The following RBFOX3 variants were observed in gnomAD, a reference collection of about 807,000 sequenced individuals.
RBFOX3 encodes RNA binding protein fox-1 homolog 3.
Under a neutral mutation model 48.7 loss-of-function variants are expected in RBFOX3, and 17 were observed. The ratio of observed to expected loss-of-function variants is 0.35; its 90% CI spans 0.24 to 0.52. The LOEUF is 0.52. Among genes scored for constraint, RBFOX3 ranks in the 20% least tolerant of loss-of-function variants. The probability of loss-of-function intolerance (pLI) is 0.94; values close to 1 mark genes in which losing one functional copy is unlikely to be tolerated. For synonymous variants in RBFOX3, 212 were observed against 209.5 expected (o/e 1.01, Z -0.10); for missense variants, 382 against 497.5 (o/e 0.77, Z 2.21).
intron 4 of RBFOX3, among the ~76,000 whole-genome samples, chr17:79,118,942 G>T (rs2034896463): frequency 6.7e-6 from 1 of 148,494 alleles, no homozygotes; most frequent in Non-Finnish European, 1.5e-5. Flanking sequence ...CACCACTGTG[G>T]TCCAGCCAGG....
intron 2 of RBFOX3, among the ~76,000 whole-genome samples, chr17:79,461,525 CT>C (rs1481580064): frequency 2.0e-5 from 3 of 152,180 alleles, no homozygotes; most frequent in Non-Finnish European, 4.4e-5. Flanking sequence ...ACATCTTATC[CT>C]TTCTATGCCT....
chr17:79,264,500 C>T (rs200824502), intron 3 of RBFOX3, among the ~76,000 whole-genome samples: 12 of 152,048 alleles, frequency 7.9e-5, no homozygotes, highest in Admixed American at 3.9e-4. Flanking sequence ...TCACTGCACC[C>T]GGCTCCTGCT....
chr17:79,268,737 G>T (rs924445674), intron 3 of RBFOX3, among the ~76,000 whole-genome samples: 1 of 151,730 alleles, frequency 6.6e-6, no homozygotes. Context: ...CCTTCACTCC[G>T]CTCCCCATCT....
chr17:79,574,506 G>T (rs2092791559), intron 1 of RBFOX3, among the ~76,000 whole-genome samples: 1 of 152,172 alleles, frequency 6.6e-6, no homozygotes, highest in South Asian at 2.1e-4. Context: ...GTTTACAAAT[G>T]CCATAGCAAC....
At chr17:79,367,442 G>A (rs1044680183) in intron 2 of RBFOX3, among the ~76,000 whole-genome samples, 2 of 150,970 alleles carry the variant, frequency 1.3e-5, no homozygotes, top group Non-Finnish European at 2.9e-5. Flanking sequence ...TCTTCAAAAC[G>A]CAAATCACAT....
intron 4 of RBFOX3, among the ~76,000 whole-genome samples, chr17:79,179,758 T>A (rs1226776928): frequency 6.6e-6 from 1 of 151,984 alleles, no homozygotes; most frequent in Non-Finnish European, 1.5e-5. Context: ...TCCCAGAGAG[T>A]CCTGCTGATG....
chr17:79,096,268 G>A (rs975056089), intron 12 of RBFOX3, among the ~76,000 whole-genome samples: 1 of 152,120 alleles, frequency 6.6e-6, no homozygotes, highest in Non-Finnish European at 1.5e-5. Flanking sequence ...GGCACCCAGG[G>A]GCCCTGCCTC....
At chr17:79,633,501 AG>A in the RBFOX3 span, among the ~76,000 whole-genome samples, 1 of 152,150 alleles carries the variant, frequency 6.6e-6, no homozygotes, top group Non-Finnish European at 1.5e-5. Flanking sequence ...ATGGATGCAC[AG>A]GTGAGCCACC....
At chr17:79,558,319 G>C (rs1468889436) in intron 1 of RBFOX3, among the ~76,000 whole-genome samples, 2 of 152,194 alleles carry the variant, frequency 1.3e-5, no homozygotes, top group Non-Finnish European at 2.9e-5. Context: ...AACACAGAGA[G>C]AGTGAGAGCC....
chr17:79,411,144 C>T lies in RBFOX3; in HGVS notation c.-175+71310G>A, dbSNP rs555960824. On this transcript the variant is annotated intron_variant, in intron 2 of 14. Coordinates refer to ENST00000693108, the MANE Select transcript of RBFOX3 (RefSeq NM_001350451.2). ...GCCCCGGCACCAGGCGCTGTGCCGA[C>T]GGAGCCGATGCTGTCACGTAACCGG... Among the ~76,000 whole-genome samples, 46 of 152,290 alleles carry T rather than the reference C, an allele frequency of 3.0e-4. No homozygotes were observed. The South Asian group carries it at 7.7e-3, about 25-fold the overall frequency.
At chr17:79,610,374 GC>G (rs2093943944) in intron 1 of RBFOX3, among the ~76,000 whole-genome samples, 1 of 151,662 alleles carries the variant, frequency 6.6e-6, no homozygotes, top group Non-Finnish European at 1.5e-5. Flanking sequence ...GCCCCGCGGG[GC>G]CGGGATCTCC....
At chr17:79,605,389 A>G (rs1465064835) in intron 1 of RBFOX3, among the ~76,000 whole-genome samples, 1 of 152,136 alleles carries the variant, frequency 6.6e-6, no homozygotes, top group African/African-American at 2.4e-5. Context: ...TTATTTTCTA[A>G]AAGGGCTAAA....
intron 2 of RBFOX3, among the ~76,000 whole-genome samples, chr17:79,394,904 G>A (rs887970607): frequency 2.0e-5 from 3 of 152,222 alleles, no homozygotes; most frequent in Non-Finnish European, 2.9e-5. Flanking sequence ...CAACACAGGC[G>A]CTCGGGGCGT....
intron 4 of RBFOX3, among the ~76,000 whole-genome samples, chr17:79,173,595 A>T (rs2049860050): frequency 6.6e-6 from 1 of 152,140 alleles, no homozygotes; most frequent in African/African-American, 2.4e-5. Flanking sequence ...CTTCCAAAAC[A>T]CACAGTGGCT....
At chr17:79,261,090 C>A (rs1339991521) in intron 3 of RBFOX3, among the ~76,000 whole-genome samples, 1 of 152,138 alleles carries the variant, frequency 6.6e-6, no homozygotes, top group Non-Finnish European at 1.5e-5. Flanking sequence ...TCAGTAAAGT[C>A]AAAGCCTTCA....
chr17:79,189,998 C>T (rs1434188028), intron 4 of RBFOX3, among the ~76,000 whole-genome samples: 1 of 152,240 alleles, frequency 6.6e-6, no homozygotes, highest in Non-Finnish European at 1.5e-5. Flanking sequence ...CGCTGCTCCA[C>T]GCAGCCCACC....
At chr17:79,307,413 C>A (rs2076247318) in intron 3 of RBFOX3, among the ~76,000 whole-genome samples, 1 of 152,244 alleles carries the variant, frequency 6.6e-6, no homozygotes, top group Non-Finnish European at 1.5e-5. Context: ...AATTTATGGG[C>A]AACCCAAGGA....
chr17:79,353,946 C>T (rs976322468), intron 2 of RBFOX3, among the ~76,000 whole-genome samples: 18 of 152,186 alleles, frequency 1.2e-4, no homozygotes, highest in Non-Finnish European at 1.6e-4. Flanking sequence ...CTCTGCATCT[C>T]TCTCAGGAGA....
intron 3 of RBFOX3, among the ~76,000 whole-genome samples, chr17:79,258,805 C>T (rs576533121): frequency 1.3e-5 from 2 of 152,296 alleles, no homozygotes; most frequent in South Asian, 4.1e-4. Flanking sequence ...GCCACACCAT[C>T]CTCCTCCTGC....
Sources: allele counts gnomAD v4.1 joint callset (sites outside exome capture counted in the v4.1 genomes callset), GRCh38; gene constraint gnomAD v4.1.1; transcripts MANE v1.5; gene names NCBI Gene and HGNC (gene_info 2026-07-23, HGNC 2026-07-21).